The following LPP variants were observed in gnomAD, a reference collection of about 807,000 sequenced individuals.
LPP encodes the protein lipoma-preferred partner.
Under a neutral mutation model 60.4 loss-of-function variants are expected in LPP, and 38 were observed. The observed-to-expected ratio is 0.63, with a 90% CI of 0.49 to 0.83. LPP has a LOEUF of 0.83. Ranked by LOEUF, LPP falls within the 40% of genes least tolerant of loss-of-function variation. LPP has a pLI of 0.00. For missense variants in LPP, 902 were observed against 783.6 expected, an observed-to-expected ratio of 1.15 and a Z score of -1.80; for synonymous variants, 328 against 290.8, an observed-to-expected ratio of 1.13 and a Z score of -1.30.
At chr3:188,426,507 T>C (rs1417140057) in intron 4 of LPP, among the ~76,000 whole-genome samples, 1 of 152,172 alleles carries the variant, frequency 6.6e-6, no homozygotes, top group Non-Finnish European at 1.5e-5. Context: ...TTGATATCCT[T>C]GTTAACCTTC....
At chr3:188,759,243 A>C (rs1255183776) in intron 8 of LPP, 2 of 152,222 alleles carry the variant, frequency 1.3e-5, no homozygotes, top group Non-Finnish European at 2.9e-5. Context: ...TAAAAACTGA[A>C]ACCTGATGTC....
chr3:188,664,363 T>C (rs1855290271), intron 7 of LPP, among the ~76,000 whole-genome samples: 2 of 152,198 alleles, frequency 1.3e-5, no homozygotes, highest in African/African-American at 4.8e-5. Context: ...CTAGAAGATA[T>C]CCCATAGCCT....
At chr3:188,770,676 T>C (rs1186644739) in intron 9 of LPP, among the ~76,000 whole-genome samples, 1 of 152,156 alleles carries the variant, frequency 6.6e-6, no homozygotes, top group Non-Finnish European at 1.5e-5. Flanking sequence ...GCCATAAAGT[T>C]AATCTTAAAA....
chr3:188,737,773 C>G (rs1560135975), intron 8 of LPP, among the ~76,000 whole-genome samples: 1 of 152,148 alleles, frequency 6.6e-6, no homozygotes, highest in Admixed American at 6.5e-5. Context: ...ACATAGAGAA[C>G]TGTAGATTCT....
intron 3 of LPP, among the ~76,000 whole-genome samples, chr3:188,353,178 G>T (rs1414818186): frequency 1.3e-5 from 2 of 152,068 alleles, no homozygotes; most frequent in Non-Finnish European, 2.9e-5. Flanking sequence ...AAGATTACAG[G>T]GTCCTCGGGA....
intron 4 of LPP, among the ~76,000 whole-genome samples, chr3:188,419,687 C>G (rs1468146006): frequency 6.6e-6 from 1 of 151,976 alleles, no homozygotes; most frequent in Non-Finnish European, 1.5e-5. Context: ...ATCAGGAGTT[C>G]AAGACCAGTC....
At chr3:188,745,932 T>C (rs993849032) in intron 8 of LPP, among the ~76,000 whole-genome samples, 15 of 152,314 alleles carry the variant, frequency 9.8e-5, no homozygotes, top group Admixed American at 7.2e-4. Flanking sequence ...TACACAGCTA[T>C]ACATGGTAGA....
At chr3:188,194,571 C>T (rs1002267353) in intron 1 of LPP, among the ~76,000 whole-genome samples, 2 of 152,126 alleles carry the variant, frequency 1.3e-5, no homozygotes, top group African/African-American at 4.8e-5. Flanking sequence ...TTTCTTTTTC[C>T]TAGGAAAATC....
rs1423360196 is a variant in LPP at position 188,760,156 on chromosome 3, A to G, written c.1284A>G (p.Thr428=). Residue 428 remains threonine, a synonymous_variant, in exon 9 of 12, where the codon ACA becomes ACG. Coordinates refer to ENST00000617246, the MANE Select transcript of LPP (RefSeq NM_001375462.1). The part of the protein sequence containing the change: ...RCGENVVGEG[T]GCTAMDQVFH... ...GAGAAAACGTAGTTGGGGAAGGTAC[A>G]GGATGCACTGCCATGGATCAGGTCT... 1.2e-6 allele frequency: 2 copies of G among 1,614,112 alleles called. No individual in the cohort carries two copies. The highest frequency in any genetic ancestry group is 1.7e-5 in the Admixed American group (1 of 60,014).
chr3:188,376,068 G>A (rs1301406305), intron 3 of LPP, among the ~76,000 whole-genome samples: 1 of 152,128 alleles, frequency 6.6e-6, no homozygotes, highest in Non-Finnish European at 1.5e-5. Flanking sequence ...TGGTCTGAGA[G>A]ACAGTTTGTT....
chr3:188,764,531 T>C (rs1448084770), intron 9 of LPP, among the ~76,000 whole-genome samples: 1 of 152,114 alleles, frequency 6.6e-6, no homozygotes, highest in Non-Finnish European at 1.5e-5. Flanking sequence ...GGAAGGAATA[T>C]AAGGACACAT....
chr3:188,638,903 A>G lies in LPP; in HGVS notation c.1113+29059A>G, dbSNP rs1464905451. ...ATGGAAGAACATTCCATGCTCATGG[A>G]TAAGAAGAATCAATATTGTGAAAAT... On this transcript the variant is annotated intron_variant, in intron 7 of 11. Transcript: ENST00000617246. Among the ~76,000 whole-genome samples the G allele has an allele frequency of 2.6e-5, 4 of 152,304 alleles. No individual in the cohort carries two copies. The East Asian group carries it at 5.8e-4, about 22-fold the overall frequency.
At chr3:188,781,565 A>G (rs954083387) in intron 9 of LPP, among the ~76,000 whole-genome samples, 6 of 151,976 alleles carry the variant, frequency 3.9e-5, no homozygotes, top group African/African-American at 1.2e-4. Flanking sequence ...AGAGACAAGC[A>G]AAAAAGGAAA....
At chr3:188,382,379 A>T (rs1777136742) in intron 3 of LPP, among the ~76,000 whole-genome samples, 1 of 152,196 alleles carries the variant, frequency 6.6e-6, no homozygotes, top group Admixed American at 6.5e-5. Flanking sequence ...TGTGTGATTC[A>T]TTGATTGATT....
At chr3:188,732,249 C>T (rs143071338) in intron 8 of LPP, among the ~76,000 whole-genome samples, 275 of 152,184 alleles carry the variant, frequency 1.8e-3, no homozygotes, top group African/African-American at 6.0e-3. Flanking sequence ...GTTTATCTGA[C>T]GCAATGAGAA....
At chr3:188,345,315 G>A (rs116757312) in intron 3 of LPP, among the ~76,000 whole-genome samples, 6 of 152,182 alleles carry the variant, frequency 3.9e-5, no homozygotes, top group African/African-American at 1.4e-4. Context: ...TGGCACAGAG[G>A]GTTCCGGCTA....
At chr3:188,370,530 T>C (rs11719821) in intron 3 of LPP, among the ~76,000 whole-genome samples, 54,520 of 152,008 alleles carry the variant, frequency 0.36, 11,048 homozygotes, top group Middle Eastern at 0.61. Flanking sequence ...ATTCCGAGCA[T>C]CTCGATGGTA....
At chr3:188,668,300 C>T (rs1856235951) in intron 7 of LPP, among the ~76,000 whole-genome samples, 2 of 152,070 alleles carry the variant, frequency 1.3e-5, no homozygotes, top group Non-Finnish European at 1.5e-5. Context: ...TAATTTTATG[C>T]CTGGACATGA....
intron 7 of LPP, among the ~76,000 whole-genome samples, chr3:188,623,478 G>A (rs6767553): frequency 0.56 from 84,706 of 151,820 alleles, 24,062 homozygotes; most frequent in East Asian, 0.83. Context: ...GGCAGGTCTC[G>A]AACTCCTAAC....
Sources: allele counts gnomAD v4.1 joint callset (sites outside exome capture counted in the v4.1 genomes callset), GRCh38; gene constraint gnomAD v4.1.1; transcripts MANE v1.5; gene names NCBI Gene and HGNC (gene_info 2026-07-23, HGNC 2026-07-21).